Variants in SYCP1 observed in about 807,000 individuals in gnomAD.
SYCP1 encodes cancer/testis antigen 8.
SYCP1 carries 64 observed loss-of-function variants against 153.1 expected under a neutral mutation model. The observed-to-expected ratio is 0.42, with a 90% CI of 0.34 to 0.51. The LOEUF (loss-of-function observed/expected upper bound fraction) is 0.51, where lower values mean the gene tolerates loss of function less well. Ranked by LOEUF, SYCP1 falls within the 20% of genes least tolerant of loss-of-function variation. The pLI is 0.06. For missense variants in SYCP1, 997 were observed against 1,049.0 expected, an observed-to-expected ratio of 0.95 and a Z score of 0.68; for synonymous variants, 384 against 341.8, an observed-to-expected ratio of 1.12 and a Z score of -1.36.
intron 21 of SYCP1, among the ~76,000 whole-genome samples, chr1:114,925,083 A>G (rs553991715): frequency 1.3e-5 from 2 of 152,296 alleles, no homozygotes; most frequent in South Asian, 2.1e-4. Flanking sequence ...AAAAGGTTAC[A>G]TGACTAAGAG....
Position 114,878,170 on chromosome 1 carries a change from G to A in SYCP1, c.878G>A (p.Arg293Lys). The change falls in exon 12 of 32, where the codon AGA becomes AAA. Residue 293 changes from arginine (R) to lysine (K), a missense_variant. By Grantham distance (26) the Arg-to-Lys change is conservative (BLOSUM62 2). This residue lies in a region of SYCP1 where 285 missense variants were observed against 366.1 expected (regional missense o/e 0.78). Transcript: ENST00000369522. Reference sequence around the variant, plus strand: ...TTAACATTTCTGCTAGAGGAATCCAGAGATAAAGTTAATCAATTAGAGGAA... The same window carrying A: ...TTAACATTTCTGCTAGAGGAATCCAAAGATAAAGTTAATCAATTAGAGGAA... ...KDLTFLLEES[R>K]DKVNQLEEKT... 1 of 1,579,312 alleles carries A rather than the reference G, an allele frequency of 6.3e-7. No individual in the cohort carries two copies. Among genetic ancestry groups the A allele is most frequent in the Non-Finnish European group, 8.7e-7 (1 of 1,154,262 alleles).
rs115211241 is a variant in SYCP1, at chr1:114,894,856, A to G, written c.1259-592A>G. 4.5e-3 allele frequency among the ~76,000 whole-genome samples: 684 copies of G among 152,298 alleles called. 3 individuals are homozygous for G. The highest frequency in any genetic ancestry group is 6.9e-3 in the Non-Finnish European group (471 of 67,984). On this transcript the variant is annotated intron_variant, in intron 15 of 31. Transcript: ENST00000369522. ...TCAAAATGAAATGTGTAGGTAACAAATAGGAATTTGTTGGAAAAACAAACT... is the reference window on the plus strand; with the variant it reads ...TCAAAATGAAATGTGTAGGTAACAAGTAGGAATTTGTTGGAAAAACAAACT...
At chr1:114,886,914 C>T (rs1348801175) in intron 14 of SYCP1, among the ~76,000 whole-genome samples, 2 of 151,832 alleles carry the variant, frequency 1.3e-5, no homozygotes, top group Non-Finnish European at 2.9e-5. Context: ...TTTTTTACTA[C>T]TCTATATTAA....
At chr1:114,887,038 C>T (rs1288148267) in intron 14 of SYCP1, among the ~76,000 whole-genome samples, 1 of 152,044 alleles carries the variant, frequency 6.6e-6, no homozygotes, top group Non-Finnish European at 1.5e-5. Context: ...CTCTCTGAAG[C>T]CATAGCCGGG....
At chr1:114,944,744 T>C in intron 24 of SYCP1, 128 bp from the exon 25 acceptor site, 2 of 737,578 alleles carry the variant, frequency 2.7e-6, no homozygotes, top group Non-Finnish European at 4.4e-6. Context: ...CAGTGCATTT[T>C]CTACTTGTTT....
Position 114,944,473 on chromosome 1 carries a change from T to A in SYCP1, c.2043+18T>A. 1 of 1,359,798 alleles carries A rather than the reference T, an allele frequency of 7.4e-7. No homozygotes were observed. The highest frequency in any genetic ancestry group is 1.0e-6 in the Non-Finnish European group (1 of 972,386). The allele number at this position is 1,359,798 out of a possible 1,614,324, so 84.2% of individuals were successfully genotyped here. On this transcript the variant is annotated intron_variant, in intron 24 of 31. Coordinates refer to ENST00000369522, the MANE Select transcript of SYCP1 (RefSeq NM_003176.4). ...TGGAAGAGGTGGGAAAAACTTAATG[T>A]ATTAAGAACTTATTATACTAAAAAT...
At chr1:114,927,342 T>G (rs1425868885) in intron 23 of SYCP1, among the ~76,000 whole-genome samples, 1 of 152,034 alleles carries the variant, frequency 6.6e-6, no homozygotes, top group African/African-American at 2.4e-5. Flanking sequence ...CTTTGTATTA[T>G]CCCCAAACAG....
At chr1:114,915,905 T>C (rs1668481168) in intron 20 of SYCP1, among the ~76,000 whole-genome samples, 1 of 152,178 alleles carries the variant, frequency 6.6e-6, no homozygotes. Context: ...ATGAAGCTAC[T>C]GAAGCCCCTG....
At chr1:114,991,301 G>C (rs1673906933) in intron 30 of SYCP1, among the ~76,000 whole-genome samples, 1 of 151,824 alleles carries the variant, frequency 6.6e-6, no homozygotes, top group Non-Finnish European at 1.5e-5. Flanking sequence ...CTAACTCATT[G>C]TATGAGGCCA....
At chr1:114,877,366 C>T (rs1388176113) in intron 11 of SYCP1, among the ~76,000 whole-genome samples, 1 of 152,156 alleles carries the variant, frequency 6.6e-6, no homozygotes, top group Non-Finnish European at 1.5e-5. Flanking sequence ...CCATCTCTAT[C>T]AGTTTCAAGT....
At chr1:114,865,242 C>T (rs1003657911) in intron 8 of SYCP1, among the ~76,000 whole-genome samples, 3 of 151,634 alleles carry the variant, frequency 2.0e-5, no homozygotes, top group African/African-American at 7.3e-5. Context: ...TGCCATAGAT[C>T]CTAGTTTTAT....
Position 114,886,357 on chromosome 1 carries a change from AT to A in SYCP1, c.1190+51del, listed in dbSNP as rs1666305017. The stretch of plus-strand genomic sequence containing the variant: ...TACACAAAATAAGTGAATAAAAACA[AT>A]TTACTTTTAATATTCAATGCCATTT... On this transcript the variant is annotated intron_variant, in intron 14 of 31. Coordinates refer to ENST00000369522, the MANE Select transcript of SYCP1 (RefSeq NM_003176.4). 2.1e-6 allele frequency: 3 copies of A among 1,404,878 alleles called. No homozygotes were observed. In the Admixed American group the frequency reaches 7.9e-5, roughly 37 times the overall value. 87.0% of individuals were successfully genotyped at this position (1,404,878 alleles called of 1,614,324 possible).
chr1:114,956,202 A>T (rs1453914633), intron 27 of SYCP1, among the ~76,000 whole-genome samples: 1 of 152,140 alleles, frequency 6.6e-6, no homozygotes, highest in Non-Finnish European at 1.5e-5. Context: ...GTTTGGGCTA[A>T]CAAGATGGGC....
chr1:114,868,289 C>T (rs1163065875), intron 8 of SYCP1, among the ~76,000 whole-genome samples: 1 of 151,860 alleles, frequency 6.6e-6, no homozygotes, highest in Admixed American at 6.6e-5. Flanking sequence ...TAGGTGTGTG[C>T]CACTGCACCC....
intron 15 of SYCP1, among the ~76,000 whole-genome samples, chr1:114,891,289 C>T (rs574789355): frequency 1.3e-5 from 2 of 152,316 alleles, no homozygotes; most frequent in South Asian, 4.1e-4. Flanking sequence ...GGTCAGACGT[C>T]TTTGACCAGT....
intron 28 of SYCP1, chr1:114,977,830 C>A: frequency 3.1e-6 from 1 of 319,644 alleles, no homozygotes; most frequent in South Asian, 6.5e-5. Flanking sequence ...AGGTTTCAGT[C>A]TAATGCAGAA....
At chr1:114,965,727 G>A (rs1672078256) in intron 27 of SYCP1, among the ~76,000 whole-genome samples, 1 of 152,122 alleles carries the variant, frequency 6.6e-6, no homozygotes, top group Non-Finnish European at 1.5e-5. Context: ...GCTTTTTGAT[G>A]TGCTGCTGGA....
intron 1 of SYCP1, 61 bp downstream of exon 1, chr1:114,855,079 T>G (rs974302453): frequency 6.5e-6 from 1 of 154,682 alleles, no homozygotes; most frequent in Non-Finnish European, 1.4e-5. Context: ...GGCGATGTTG[T>G]GCTACTGCAC....
At chr1:114,858,918 C>A (rs1376700375) in intron 6 of SYCP1, among the ~76,000 whole-genome samples, 1 of 151,932 alleles carries the variant, frequency 6.6e-6, no homozygotes. Context: ...ACGCTTAATG[C>A]AAATGATTAG....
Sources: gnomAD v4.1 joint callset for allele counts (sites outside exome capture counted in the v4.1 genomes callset) on GRCh38, gnomAD v4.1.1 for gene constraint, gnomAD v4.1.1 regional missense constraint, MANE v1.5 for transcripts, NCBI Gene and HGNC (gene_info 2026-07-23, HGNC 2026-07-21) for gene names.